Variants in RALGAPA1 observed in about 807,000 individuals in gnomAD.
RALGAPA1 encodes Ral GTPase activating protein catalytic subunit alpha 1, also known as ral GTPase-activating protein subunit alpha-1.
A neutral mutation model predicts 269.6 loss-of-function variants in RALGAPA1; 52 were observed. The ratio of observed to expected loss-of-function variants is 0.19; its 90% CI spans 0.15 to 0.24. The LOEUF is 0.24. Among genes scored for constraint, RALGAPA1 ranks in the 10% least tolerant of loss-of-function variants. The pLI, the probability that RALGAPA1 is intolerant of heterozygous loss-of-function variation, is 1.00. For missense variants in RALGAPA1, 1,917 were observed against 3,013.9 expected (o/e 0.64, Z 8.52); for synonymous variants, 817 against 1,008.3 (o/e 0.81, Z 3.60).
Position 35,627,131 on chromosome 14 carries a change from T to C in RALGAPA1, c.6816A>G (p.Arg2272=). The change falls in exon 34 of 42, where the codon AGA becomes AGG. Residue 2272 remains arginine (R), a synonymous_variant. Coordinates refer to ENST00000680220, the MANE Select transcript of RALGAPA1 (RefSeq NM_001346249.2). ...QKPQSAFYYC[R]LLLSILGMNS... is the part of the protein sequence containing the mutation. ...TCATTCCCAATATACTAAGAAGCAA[T>C]CTGCAATAATAAAATGCTGACTGAG... is the stretch of plus-strand genomic sequence containing the variant. The C allele has an allele frequency of 7.0e-6, 11 of 1,564,806 alleles. No individual in the cohort carries two copies. Among genetic ancestry groups the C allele is most frequent in the Non-Finnish European group, 9.5e-6 (11 of 1,161,478 alleles).
At chr14:35,673,373 T>C (rs28475108) in intron 24 of RALGAPA1, among the ~76,000 whole-genome samples, 2 of 151,916 alleles carry the variant, frequency 1.3e-5, no homozygotes, top group Admixed American at 6.6e-5. Flanking sequence ...CTGGGCAACA[T>C]AGAGAAACTC....
At chr14:35,710,662 A>T (rs891647900) in intron 16 of RALGAPA1, among the ~76,000 whole-genome samples, 7 of 152,220 alleles carry the variant, frequency 4.6e-5, no homozygotes, top group African/African-American at 1.7e-4. Context: ...GGTCACCAAC[A>T]GACCGCATGT....
chr14:35,802,244 G>A (rs1417059480), intron 1 of RALGAPA1, among the ~76,000 whole-genome samples: 11 of 152,156 alleles, frequency 7.2e-5, no homozygotes, highest in Non-Finnish European at 1.3e-4. Flanking sequence ...GGAGGCGGAG[G>A]TTGCAGTGAG....
chr14:35,675,759 A>T (rs1382318580), intron 22 of RALGAPA1, among the ~76,000 whole-genome samples: 1 of 152,208 alleles, frequency 6.6e-6, no homozygotes, highest in Non-Finnish European at 1.5e-5. Flanking sequence ...GCTATAGAAA[A>T]TAATTAAAAA....
chr14:35,770,218 C>T (rs952843835), intron 4 of RALGAPA1, among the ~76,000 whole-genome samples: 4 of 152,098 alleles, frequency 2.6e-5, no homozygotes, highest in African/African-American at 9.7e-5. Context: ...TGGCAAACTA[C>T]AATGCACATT....
chr14:35,742,085 GAAAT>G lies in RALGAPA1; in HGVS notation c.1449+279_1449+282del, dbSNP rs1179085982. The stretch of plus-strand genomic sequence containing the variant: ...CCATTTTGATGTAGTACCACAGTTT[GAAAT>G]ATTATACCTTTATAACAGTACCTAA... On this transcript the variant is annotated intron_variant, in intron 11 of 41. Transcript: ENST00000680220. 3.3e-5 allele frequency among the ~76,000 whole-genome samples: 5 copies of G among 152,256 alleles called. No individual in the cohort carries two copies. The East Asian group carries it at 9.7e-4, about 29-fold the overall frequency.
chr14:35,597,709 C>T (rs925242717), intron 36 of RALGAPA1, among the ~76,000 whole-genome samples: 1 of 152,156 alleles, frequency 6.6e-6, no homozygotes, highest in South Asian at 2.1e-4. Flanking sequence ...CCTACTCTAT[C>T]CCCTCCTTAA....
Position 35,728,239 on chromosome 14 carries a change from CAAT to C in RALGAPA1, c.1736+120_1736+122del, listed in dbSNP as rs2070147306. ...CACTATGATTAATTTTATATTTATTCAATAATAGGAGCCTCTATAATACTGTAA... is the reference window on the plus strand; with the variant it reads ...CACTATGATTAATTTTATATTTATTCAATAGGAGCCTCTATAATACTGTAA... On this transcript the variant is annotated intron_variant, in intron 13 of 41. Coordinates refer to ENST00000680220, the MANE Select transcript of RALGAPA1 (RefSeq NM_001346249.2). 3.3e-6 allele frequency: 3 copies of C among 897,464 alleles called. No individual in the cohort carries two copies. The South Asian group carries it at 1.7e-4, about 50-fold the overall frequency. The allele number at this position is 897,464 out of a possible 1,614,324, so 55.6% of individuals were successfully genotyped here.
chr14:35,569,293 AAAAT>A (rs1384900007), intron 39 of RALGAPA1, among the ~76,000 whole-genome samples: 1 of 152,218 alleles, frequency 6.6e-6, no homozygotes, highest in African/African-American at 2.4e-5. Context: ...TATTATATAA[AAAAT>A]AAAATGTTTT....
chr14:35,595,800 T>G lies in RALGAPA1; in HGVS notation c.7054-11A>C, dbSNP rs766924366. The G allele has an allele frequency of 1.2e-6, 2 of 1,605,356 alleles. No individual in the cohort carries two copies. Among genetic ancestry groups the G allele is most frequent in the African/African-American group, 2.7e-5 (2 of 74,542 alleles). ...GTTTGTAAGATTTACCTAGAAGTAATGAAGAGTCACATAAATTAATTAAAC... is the reference window on the plus strand; with the variant it reads ...GTTTGTAAGATTTACCTAGAAGTAAGGAAGAGTCACATAAATTAATTAAAC... On this transcript the variant is annotated splice_polypyrimidine_tract_variant and intron_variant, in intron 36 of 41. Coordinates refer to ENST00000680220, the MANE Select transcript of RALGAPA1 (RefSeq NM_001346249.2).
chr14:35,627,046 A>C, intron 34 of RALGAPA1, 44 bp downstream of exon 34: 3 of 1,096,922 alleles, frequency 2.7e-6, no homozygotes, highest in Non-Finnish European at 3.6e-6. Context: ...GATGAATAAG[A>C]CCGAAAAAAA....
intron 27 of RALGAPA1, among the ~76,000 whole-genome samples, chr14:35,662,051 C>T (rs1171198491): frequency 6.6e-6 from 1 of 152,080 alleles, no homozygotes; most frequent in African/African-American, 2.4e-5. Context: ...GATGGTTGCA[C>T]AATTCTGTGA....
intron 17 of RALGAPA1, among the ~76,000 whole-genome samples, chr14:35,693,354 A>C (rs1027011389): frequency 6.6e-6 from 1 of 151,872 alleles, no homozygotes; most frequent in Non-Finnish European, 1.5e-5. Context: ...CAATAAAAAA[A>C]CTTTGAATTG....
chr14:35,627,029 A>C lies in RALGAPA1; in HGVS notation c.6857+61T>G, dbSNP rs2061034747. 4 of 1,387,598 alleles carry C rather than the reference A, an allele frequency of 2.9e-6. No individual in the cohort carries two copies. The South Asian group carries it at 7.2e-5, about 25-fold the overall frequency. The allele number at this position is 1,387,598 out of a possible 1,614,324, so 86.0% of individuals were successfully genotyped here. ...AAAAGAACAGAAAATAAAATGCTTT[A>C]TCAGAAGATGAATAAGACCGAAAAA... On this transcript the variant is annotated intron_variant, in intron 34 of 41. Coordinates refer to ENST00000680220, the MANE Select transcript of RALGAPA1 (RefSeq NM_001346249.2).
chr14:35,648,106 C>T (rs1213302046), intron 31 of RALGAPA1, among the ~76,000 whole-genome samples: 6 of 150,016 alleles, frequency 4.0e-5, no homozygotes, highest in African/African-American at 9.8e-5. Context: ...GAAATCCCAT[C>T]TCTACTGAAA....
intron 17 of RALGAPA1, among the ~76,000 whole-genome samples, chr14:35,699,862 T>C (rs1445454947): frequency 6.9e-6 from 1 of 144,098 alleles, no homozygotes; most frequent in Non-Finnish European, 1.5e-5. Flanking sequence ...CTACTTCTTT[T>C]AACCACCTGA....
intron 27 of RALGAPA1, among the ~76,000 whole-genome samples, chr14:35,659,846 A>G (rs1346923438): frequency 6.6e-6 from 1 of 152,138 alleles, no homozygotes; most frequent in Non-Finnish European, 1.5e-5. Context: ...TAAAACTAAT[A>G]CATCATATTA....
intron 37 of RALGAPA1, among the ~76,000 whole-genome samples, chr14:35,593,577 ATTACAGGCTGGGCACAGTGGC>A (rs2058757595): frequency 6.6e-6 from 1 of 152,164 alleles, no homozygotes. Flanking sequence ...TTAAAATTAT[ATTACAGGCTGGGCACAGTGGC>A]TTACACCTAT....
At chr14:35,653,370 A>C (rs568718363) in intron 30 of RALGAPA1, among the ~76,000 whole-genome samples, 1 of 152,352 alleles carries the variant, frequency 6.6e-6, no homozygotes, top group South Asian at 2.1e-4. Context: ...GGTTAGGGAG[A>C]GCAGATAGCG....
Sources: gnomAD v4.1 joint callset for allele counts (sites outside exome capture counted in the v4.1 genomes callset) on GRCh38, gnomAD v4.1.1 for gene constraint, MANE v1.5 for transcripts, NCBI Gene and HGNC (gene_info 2026-07-23, HGNC 2026-07-21) for gene names.